CALN1: variants seen among roughly 807,000 people sequenced by gnomAD.
CALN1 encodes the protein calcium-binding protein 8.
Under a neutral mutation model 30.6 loss-of-function variants are expected in CALN1, and 17 were observed. That is an observed-to-expected ratio of 0.56 (90% CI 0.38 to 0.83). CALN1 has a LOEUF of 0.83. Ranked by LOEUF, CALN1 falls within the 40% of genes least tolerant of loss-of-function variation. The pLI, the probability that CALN1 is intolerant of heterozygous loss-of-function variation, is 0.00. For missense variants in CALN1, 291 were observed against 354.9 expected, an observed-to-expected ratio of 0.82 and a Z score of 1.45; for synonymous variants, 156 against 131.4, an observed-to-expected ratio of 1.19 and a Z score of -1.28.
intron 3 of CALN1, among the ~76,000 whole-genome samples, chr7:72,243,525 A>G (rs1246234569): frequency 3.9e-5 from 6 of 152,110 alleles, no homozygotes; most frequent in Non-Finnish European, 7.4e-5. Flanking sequence ...CCGGGGATGC[A>G]GTGTTGGGGA....
intron 2 of CALN1, among the ~76,000 whole-genome samples, chr7:72,391,368 T>C (rs2129561425): frequency 6.6e-6 from 1 of 152,322 alleles, no homozygotes. Flanking sequence ...GGAAGGCATC[T>C]TATCTTGACT....
rs1792674908 is a variant in CALN1 at position 71,780,758 on chromosome 7, A to G, written c.*7017T>C. On this transcript the variant is annotated 3_prime_UTR_variant, in exon 7 of 7. Transcript: ENST00000395275. ...TTGTGCTCTTTATTCAGTAGCTTTC[A>G]GTAAGGCTTTCTCAAATGGAGAAAC... 1 of 151,614 alleles carries G rather than the reference A, an allele frequency of 6.6e-6. No homozygotes were observed. Among genetic ancestry groups the G allele is most frequent in the Non-Finnish European group, 1.5e-5 (1 of 67,986 alleles). 9.4% of individuals were successfully genotyped at this position (151,614 alleles called of 1,614,324 possible). A position where few individuals can be genotyped will look rare whatever the true frequency, so the allele number is the denominator to read the frequency against.
At chr7:71,844,381 T>G (rs1225607667) in intron 5 of CALN1, among the ~76,000 whole-genome samples, 1 of 152,200 alleles carries the variant, frequency 6.6e-6, no homozygotes, top group South Asian at 2.1e-4. Context: ...TCTAAGTTTA[T>G]GTGACACTCA....
At chr7:72,183,628 AATTG>A (rs1789976231) in intron 3 of CALN1, among the ~76,000 whole-genome samples, 1 of 152,222 alleles carries the variant, frequency 6.6e-6, no homozygotes, top group African/African-American at 2.4e-5. Context: ...TCACAGTGCA[AATTG>A]ATTAAGAATT....
At chr7:72,433,572 C>T (rs987491976) in intron 1 of CALN1, among the ~76,000 whole-genome samples, 12 of 152,014 alleles carry the variant, frequency 7.9e-5, no homozygotes, top group Admixed American at 3.3e-4. Context: ...GAGAAACACC[C>T]GAGCACAGTG....
upstream of CALN1, among the ~76,000 whole-genome samples, chr7:72,415,637 C>A (rs901221767): frequency 1.3e-5 from 2 of 152,240 alleles, no homozygotes; most frequent in Non-Finnish European, 2.9e-5. Flanking sequence ...GAAGAAACAA[C>A]AACAAACCTG....
Position 72,129,004 on chromosome 7 carries a change from T to TTA in CALN1, c.245-22712_245-22711dup, listed in dbSNP as rs1465585619. The stretch of plus-strand genomic sequence containing the variant: ...GCTAATTTCCCTCACATTAAAAAAT[T>TTA]TATATATATAGCATCAATAAGAACA... On this transcript the variant is annotated intron_variant, in intron 3 of 6. Coordinates refer to ENST00000395275, the MANE Select transcript of CALN1 (RefSeq NM_031468.4). 4.6e-5 allele frequency among the ~76,000 whole-genome samples: 7 copies of TTA among 152,206 alleles called. No individual in the cohort carries two copies. In the East Asian group the frequency reaches 5.8e-4, roughly 13 times the overall value.
intron 5 of CALN1, among the ~76,000 whole-genome samples, chr7:71,856,613 G>A (rs1439086154): frequency 6.6e-6 from 1 of 152,124 alleles, no homozygotes; most frequent in African/African-American, 2.4e-5. Flanking sequence ...CCACTGTTCT[G>A]TATTTTTATA....
At chr7:72,127,991 A>G (rs976205915) in intron 3 of CALN1, among the ~76,000 whole-genome samples, 2 of 152,300 alleles carry the variant, frequency 1.3e-5, no homozygotes, top group African/African-American at 4.8e-5. Context: ...TGGTGGGGGC[A>G]GGAGTGATCA....
the CALN1 span, among the ~76,000 whole-genome samples, chr7:72,454,534 C>A: frequency 6.6e-6 from 1 of 152,234 alleles, no homozygotes; most frequent in Non-Finnish European, 1.5e-5. Context: ...CAGGTCCCAG[C>A]TCAGGTCAGG....
chr7:72,082,894 G>T (rs190776311), intron 4 of CALN1, among the ~76,000 whole-genome samples: 22 of 152,228 alleles, frequency 1.4e-4, no homozygotes, highest in Non-Finnish European at 7.4e-5. Context: ...ATTCAATCAG[G>T]AATTATGAGA....
At chr7:72,084,402 T>C (rs954592411) in intron 4 of CALN1, among the ~76,000 whole-genome samples, 3 of 140,156 alleles carry the variant, frequency 2.1e-5, no homozygotes, top group Admixed American at 7.3e-5. Context: ...TTTTTTTTTT[T>C]CTGGCATGCA....
intron 5 of CALN1, among the ~76,000 whole-genome samples, chr7:71,960,919 C>A (rs1187062175): frequency 6.6e-6 from 1 of 152,136 alleles, no homozygotes; most frequent in Non-Finnish European, 1.5e-5. Flanking sequence ...CAGGTTCAAG[C>A]GATTCTCGTG....
At chr7:72,154,694 G>A (rs1421335434) in intron 3 of CALN1, among the ~76,000 whole-genome samples, 2 of 152,116 alleles carry the variant, frequency 1.3e-5, no homozygotes, top group Non-Finnish European at 2.9e-5. Context: ...AGGTTATGGG[G>A]TTAACTAAGG....
intron 6 of CALN1, among the ~76,000 whole-genome samples, chr7:71,801,392 G>GTATT (rs1787292467): frequency 9.2e-6 from 1 of 109,014 alleles, no homozygotes; most frequent in African/African-American, 3.4e-5. Flanking sequence ...ATGTATGTAT[G>GTATT]TATGTATGTA....
intron 5 of CALN1, among the ~76,000 whole-genome samples, chr7:71,855,223 G>A (rs1790874855): frequency 6.6e-6 from 1 of 152,154 alleles, no homozygotes; most frequent in African/African-American, 2.4e-5. Flanking sequence ...AGCATTACCC[G>A]AGTGCTGATT....
At chr7:72,351,839 CATTTA>C (rs1214326614) in intron 2 of CALN1, among the ~76,000 whole-genome samples, 1 of 152,106 alleles carries the variant, frequency 6.6e-6, no homozygotes, top group African/African-American at 2.4e-5. Flanking sequence ...TTGTGAATTG[CATTTA>C]ATTTAAAGAG....
chr7:72,129,472 G>A (rs1035597313), intron 3 of CALN1, among the ~76,000 whole-genome samples: 3 of 152,224 alleles, frequency 2.0e-5, no homozygotes, highest in South Asian at 2.1e-4. Context: ...ACAGATAGAT[G>A]AATTTTAAAG....
Position 71,786,459 on chromosome 7 carries a change from G to A in CALN1, c.*1316C>T, listed in dbSNP as rs114212308. ...CAGGAAATTACAGACTTGGAATGGT[G>A]TTGAAAACAGATCCTTGGATTCAGT... On this transcript the variant is annotated 3_prime_UTR_variant, in exon 7 of 7. Transcript: ENST00000395275. The A allele has an allele frequency of 4.6e-5, 7 of 152,282 alleles. No individual in the cohort carries two copies. Among genetic ancestry groups the A allele is most frequent in the African/African-American group, 1.7e-4 (7 of 41,554 alleles). The allele number at this position is 152,282 out of a possible 1,614,324, so 9.4% of individuals were successfully genotyped here. A position where few individuals can be genotyped will look rare whatever the true frequency, so the allele number is the denominator to read the frequency against.
Sources: allele counts gnomAD v4.1 joint callset (sites outside exome capture counted in the v4.1 genomes callset), GRCh38; gene constraint gnomAD v4.1.1; transcripts MANE v1.5; gene names NCBI Gene and HGNC (gene_info 2026-07-23, HGNC 2026-07-21).